The following ZNF746 variants were observed in gnomAD, a reference collection of about 807,000 sequenced individuals.
ZNF746 encodes the protein parkin-interacting substrate.
ZNF746 carries 13 observed loss-of-function variants against 41.0 expected under a neutral mutation model. The observed-to-expected ratio is 0.32, with a 90% confidence interval of 0.21 to 0.50. The LOEUF (loss-of-function observed/expected upper bound fraction) is 0.50, where lower values mean the gene tolerates loss of function less well. Among genes scored for constraint, ZNF746 ranks in the 20% least tolerant of loss-of-function variants. The probability of loss-of-function intolerance (pLI) is 0.98; values close to 1 mark genes in which losing one functional copy is unlikely to be tolerated. For missense variants in ZNF746, 811 were observed against 922.9 expected, an observed-to-expected ratio of 0.88 and a Z score of 1.57; for synonymous variants, 424 against 396.2, an observed-to-expected ratio of 1.07 and a Z score of -0.83.
chr7:149,480,718 G>A (rs1181857494), intron 4 of ZNF746, among the ~76,000 whole-genome samples: 1 of 152,176 alleles, frequency 6.6e-6, no homozygotes, highest in Non-Finnish European at 1.5e-5. Context: ...TTACAGGCGT[G>A]AGCTACCGCG....
At position 149,497,466 on chromosome 7, in the gene ZNF746, C is replaced by T; in HGVS notation, c.24+47G>A. On this transcript the variant is annotated intron_variant, in intron 1 of 6. Transcript: ENST00000458143. The surrounding 1 kb of genome is among the most constrained non-coding windows in gnomAD (Gnocchi z 4.2). ...GCGCCGTGTGCCGGGGCCGGGCCGC[C>T]TGGGGCCCCCAGGCCGCGAGTCCCT... The T allele has an allele frequency of 9.2e-7, 1 of 1,082,106 alleles. No individual in the cohort carries two copies. Among genetic ancestry groups the T allele is most frequent in the Non-Finnish European group, 1.1e-6 (1 of 897,276 alleles). The allele number at this position is 1,082,106 out of a possible 1,614,324, so 67.0% of individuals were successfully genotyped here.
chr7:149,494,003 G>A lies in ZNF746; in HGVS notation c.437C>T (p.Thr146Met), dbSNP rs766494668. 3 of 1,614,162 alleles carry A rather than the reference G, an allele frequency of 1.9e-6. No individual in the cohort carries two copies. The highest frequency in any genetic ancestry group is 1.1e-5 in the South Asian group (1 of 91,084). Residue 146 changes from threonine (T) to methionine (M), a missense_variant, in exon 3 of 7, where the codon ACG (threonine) becomes ATG (methionine). By Grantham distance (81) the Thr-to-Met change is moderately conservative (BLOSUM62 -1). This residue lies in a region of ZNF746 where 147 missense variants were observed against 233.4 expected (regional missense o/e 0.63). Coordinates refer to ENST00000458143, the MANE Select transcript of ZNF746 (RefSeq NM_001394198.1). The surrounding 1 kb of genome is among the most constrained non-coding windows in gnomAD (Gnocchi z 5.6). ...YKHVMRGNYE[T>M]LVSLDYAISK... is the part of the protein sequence containing the mutation. ...TCAGGCCTTACCCAGGGAGACCAGCGTCTCGTAGTTGCCCCTCATCACGTG... is the reference window on the plus strand; with the variant it reads ...TCAGGCCTTACCCAGGGAGACCAGCATCTCGTAGTTGCCCCTCATCACGTG...
intron 6 of ZNF746, among the ~76,000 whole-genome samples, chr7:149,475,985 T>G (rs946783227): frequency 2.0e-5 from 3 of 152,190 alleles, no homozygotes; most frequent in Non-Finnish European, 4.4e-5. Flanking sequence ...ATTCAATAAA[T>G]GGACCCACCA....
intron 4 of ZNF746, among the ~76,000 whole-genome samples, chr7:149,480,964 C>T (rs759745218): frequency 6.6e-6 from 1 of 152,288 alleles, no homozygotes; most frequent in Non-Finnish European, 1.5e-5. Flanking sequence ...GAAGATAACA[C>T]ATTTTCCCAA....
chr7:149,477,397 C>G (rs554869391), intron 5 of ZNF746, among the ~76,000 whole-genome samples, 167 bp downstream of exon 5: 4 of 152,074 alleles, frequency 2.6e-5, no homozygotes, highest in East Asian at 1.9e-4. Context: ...GAGAGAGGCT[C>G]GAGACAAGTC....
At chr7:149,475,782 G>A (rs1011442436) in intron 6 of ZNF746, among the ~76,000 whole-genome samples, 1 of 152,166 alleles carries the variant, frequency 6.6e-6, no homozygotes, top group South Asian at 2.1e-4. Flanking sequence ...AAAGGAATTC[G>A]AACTGCTGCA....
chr7:149,494,580 G>A lies in ZNF746; in HGVS notation c.25-77C>T, dbSNP rs181252521. On this transcript the variant is annotated intron_variant, in intron 1 of 6. Transcript: ENST00000458143. The surrounding 1 kb of genome is among the most constrained non-coding windows in gnomAD (Gnocchi z 5.6). ...ATTGAGCCCCTCTCTCCCTAGGCAC[G>A]GGGGAGTTGGGCTGGGAGTCCATAT... 3.8e-4 allele frequency: 596 copies of A among 1,555,982 alleles called. 2 individuals carry two copies. Among genetic ancestry groups the A allele is most frequent in the African/African-American group, 9.6e-4 (71 of 73,770 alleles).
At position 149,477,317 on chromosome 7, in the gene ZNF746, C is replaced by T. The variant is rs544358210; in HGVS notation, c.757+247G>A. ...ATGCCCAATGCTGGGGCAAGAGAAG[C>T]GGCCTCACGGTGATATAGGGGCCAC... On this transcript the variant is annotated intron_variant, in intron 5 of 6. Coordinates refer to ENST00000458143, the MANE Select transcript of ZNF746 (RefSeq NM_001394198.1). Among the ~76,000 whole-genome samples the T allele has an allele frequency of 1.1e-4, 17 of 152,270 alleles. No individual in the cohort carries two copies. The East Asian group carries it at 1.2e-3, about 10-fold the overall frequency.
At position 149,494,271 on chromosome 7, in the gene ZNF746, T is replaced by C. The variant is rs1040358732; in HGVS notation, c.257A>G (p.Asn86Ser). Residue 86 changes from asparagine to serine, a missense_variant, in exon 2 of 7, where the codon AAC becomes AGC. Asn to Ser is a conservative substitution (Grantham distance 46). This residue lies in a region of ZNF746 where 147 missense variants were observed against 233.4 expected (regional missense o/e 0.63). Coordinates refer to ENST00000458143, the MANE Select transcript of ZNF746 (RefSeq NM_001394198.1). The surrounding 1 kb of genome is among the most constrained non-coding windows in gnomAD (Gnocchi z 5.6). ...CCAGAAGTTCCTGTTGCGCAGCAGG[T>C]TCTCCACGTTCTCCAGCCGCCTCTG... ...LLQRRLENVE[N>S]LLRNRNFWIL... The C allele has an allele frequency of 5.0e-6, 8 of 1,614,082 alleles. No individual in the cohort carries two copies. In the Admixed American group the frequency reaches 1.3e-4, roughly 27 times the overall value.
chr7:149,474,612 G>A lies in ZNF746; in HGVS notation c.1755C>T (p.Thr585=). Reference sequence around the variant, plus strand: ...TGCGGATGAAGCTTTTGCCGCAGACGGTGCAGGTGAAGGGCCGCACGCCCG... The same window carrying A: ...TGCGGATGAAGCTTTTGCCGCAGACAGTGCAGGTGAAGGGCCGCACGCCCG... ...THTGVRPFTC[T]VCGKSFIRKD... is the part of the protein sequence containing the mutation. The change falls in exon 7 of 7, where the codon ACC becomes ACT. Residue 585 remains threonine, a synonymous_variant. Transcript: ENST00000458143. This position sits in a 1 kb window ranked among gnomAD's most constrained non-coding sequence, Gnocchi z 6.3. The A allele has an allele frequency of 1.9e-6, 3 of 1,613,356 alleles. No homozygotes were observed. The highest frequency in any genetic ancestry group is 2.5e-6 in the Non-Finnish European group (3 of 1,179,584).
intron 4 of ZNF746, among the ~76,000 whole-genome samples, chr7:149,487,348 G>T (rs1361366144): frequency 6.6e-6 from 1 of 152,126 alleles, no homozygotes; most frequent in Non-Finnish European, 1.5e-5. Context: ...AAAACTTTTG[G>T]GTAGCATGGT....
In ZNF746 at chr7:149,494,300, C is replaced by T. The variant is rs2116498143; in HGVS notation, c.228G>A (p.Leu76=). 6.2e-7 allele frequency: 1 copy of T among 1,614,116 alleles called. No homozygotes were observed. The change falls in exon 2 of 7, where the codon CTG becomes CTA. Residue 76 remains leucine, a synonymous_variant. Transcript: ENST00000458143. The surrounding 1 kb of genome is among the most constrained non-coding windows in gnomAD (Gnocchi z 5.6). The stretch of plus-strand genomic sequence containing the variant: ...CCACGTTCTCCAGCCGCCTCTGCAG[C>T]AGCCCGTACTCCTGCAGCAGGGTCC... ...VLGTLLQEYG[L]LQRRLENVEN...
rs1357493800 is a variant in ZNF746 at position 149,473,822 on chromosome 7, C to T, written c.*562G>A. 6.4e-6 allele frequency: 1 copy of T among 156,820 alleles called. No individual in the cohort carries two copies. The highest frequency in any genetic ancestry group is 1.4e-5 in the Non-Finnish European group (1 of 70,540). The allele number at this position is 156,820 out of a possible 1,614,324, so 9.7% of individuals were successfully genotyped here. A position where few individuals can be genotyped will look rare whatever the true frequency, so the allele number is the denominator to read the frequency against. ...GGCAAGCTGGGAAATGCAACCGCTACTCCCGGAGGGGTCCTTCCTGCTGCA... is the reference window on the plus strand; with the variant it reads ...GGCAAGCTGGGAAATGCAACCGCTATTCCCGGAGGGGTCCTTCCTGCTGCA... On this transcript the variant is annotated 3_prime_UTR_variant, in exon 7 of 7. Coordinates refer to ENST00000458143, the MANE Select transcript of ZNF746 (RefSeq NM_001394198.1).
intron 4 of ZNF746, among the ~76,000 whole-genome samples, chr7:149,486,814 C>T (rs923622051): frequency 1.3e-5 from 2 of 152,270 alleles, no homozygotes; most frequent in Admixed American, 1.3e-4. Context: ...AAGCTGTGGT[C>T]TCTCTCATGC....
rs1279700306 is a variant in ZNF746 at position 149,486,385 on chromosome 7, C to CAGA, written c.565+6473_565+6474insTCT. On this transcript the variant is annotated intron_variant, in intron 4 of 6. Coordinates refer to ENST00000458143, the MANE Select transcript of ZNF746 (RefSeq NM_001394198.1). ...GGATCTACACCTACAGAAGCTTTTA[C>CAGA]ATATGCATAAGAATGTTCACACCAG... Among the ~76,000 whole-genome samples the CAGA allele has an allele frequency of 5.1e-3, 746 of 145,472 alleles. 10 individuals carry two copies. The highest frequency in any genetic ancestry group is 0.019 in the African/African-American group (729 of 39,076).
Position 149,477,712 on chromosome 7 carries a change from G to A in ZNF746, c.609C>T (p.Ile203=). ...GGAGCTGGAGCTCACCCTCCTGCTT[G>A]ATCTGCATCAAGAGGTCTGGGGCGG... ...PVPAPDLLMQ[I]KQEGELQLQE... The change falls in exon 5 of 7, where the codon ATC becomes ATT. Residue 203 remains isoleucine, a synonymous_variant. Transcript: ENST00000458143. The A allele has an allele frequency of 1.9e-6, 3 of 1,613,556 alleles. No homozygotes were observed. The East Asian group carries it at 6.7e-5, about 36-fold the overall frequency.
Position 149,475,502 on chromosome 7 carries a change from C to CA in ZNF746, c.884-20dup. On this transcript the variant is annotated intron_variant, in intron 6 of 6. Coordinates refer to ENST00000458143, the MANE Select transcript of ZNF746 (RefSeq NM_001394198.1). ...ACATCTGCTGAGAAAGACAGAAAGA[C>CA]AGATACTGACCTGTCCCTTAACTGC... is the stretch of plus-strand genomic sequence containing the variant. 1 of 1,602,188 alleles carries CA rather than the reference C, an allele frequency of 6.2e-7. No individual in the cohort carries two copies. The highest frequency in any genetic ancestry group is 8.5e-7 in the Non-Finnish European group (1 of 1,173,326).
In ZNF746 at chr7:149,475,400, G is replaced by A; in HGVS notation, c.967C>T (p.His323Tyr). Residue 323 changes from histidine to tyrosine, a missense_variant, in exon 7 of 7, where the codon CAC (histidine) becomes TAC (tyrosine). Transcript: ENST00000458143. Reference sequence around the variant, plus strand: ...TGGCCTGGTCCAAACAGGGTCCCGTGAGCCTCTAGGTCAGTAGGATGTACG... The same window carrying A: ...TGGCCTGGTCCAAACAGGGTCCCGTAAGCCTCTAGGTCAGTAGGATGTACG... ...TPVHPTDLEA[H>Y]GTLFGPGQAT... 1.9e-6 allele frequency: 3 copies of A among 1,614,204 alleles called. No homozygotes were observed. Among genetic ancestry groups the A allele is most frequent in the Non-Finnish European group, 2.5e-6 (3 of 1,180,022 alleles).
chr7:149,495,184 C>T, intron 1 of ZNF746, among the ~76,000 whole-genome samples: 1 of 152,122 alleles, frequency 6.6e-6, no homozygotes, highest in Non-Finnish European at 1.5e-5. Flanking sequence ...CTAAAATCCC[C>T]ATGACTGCAA....
Sources: allele counts gnomAD v4.1 joint callset (sites outside exome capture counted in the v4.1 genomes callset), GRCh38; gene constraint gnomAD v4.1.1; regional missense constraint gnomAD v4.1.1; non-coding constraint Gnocchi (gnomAD v3.1); transcripts MANE v1.5; gene names NCBI Gene and HGNC (gene_info 2026-07-23, HGNC 2026-07-21).